MAD1L1: variants seen among roughly 807,000 people sequenced by gnomAD.
MAD1L1 encodes the protein mitotic spindle assembly checkpoint protein MAD1.
A neutral mutation model predicts 96.9 loss-of-function variants in MAD1L1; 95 were observed. The observed-to-expected ratio is 0.98, with a 90% CI of 0.83 to 1.16. The LOEUF (loss-of-function observed/expected upper bound fraction) is 1.16, where lower values mean the gene tolerates loss of function less well. Ranked by LOEUF, MAD1L1 falls within the 50% of genes most tolerant of loss-of-function variation. The pLI is 0.00. For synonymous variants in MAD1L1, 473 were observed against 396.6 expected, an observed-to-expected ratio of 1.19 and a Z score of -2.29; for missense variants, 1,007 against 954.4, an observed-to-expected ratio of 1.06 and a Z score of -0.73.
chr7:1,836,379 C>A (rs1782938435), intron 18 of MAD1L1, among the ~76,000 whole-genome samples: 1 of 152,144 alleles, frequency 6.6e-6, no homozygotes. Flanking sequence ...AGCTTCTTTA[C>A]TGCAACCTGT....
chr7:2,029,946 T>C (rs1448751925), intron 12 of MAD1L1, among the ~76,000 whole-genome samples: 1 of 152,116 alleles, frequency 6.6e-6, no homozygotes, highest in Non-Finnish European at 1.5e-5. Context: ...AGAAACAAGA[T>C]CATCCCTAGC....
rs1344878891 is a variant in MAD1L1 at position 1,840,565 on chromosome 7, A to G, written c.1999-24337T>C. 4.6e-5 allele frequency among the ~76,000 whole-genome samples: 7 copies of G among 152,172 alleles called. No individual in the cohort carries two copies. The East Asian group carries it at 5.8e-4, about 13-fold the overall frequency. Reference sequence around the variant, plus strand: ...GCCAACATGGCAAAACCCCGTCTCTACTAAAAATACAAAAAAAGCCAGGCA... The same window carrying G: ...GCCAACATGGCAAAACCCCGTCTCTGCTAAAAATACAAAAAAAGCCAGGCA... On this transcript the variant is annotated intron_variant, in intron 18 of 18. Coordinates refer to ENST00000265854, the MANE Select transcript of MAD1L1 (RefSeq NM_001013836.2).
chr7:2,135,589 G>A (rs1203825938), intron 11 of MAD1L1, among the ~76,000 whole-genome samples: 2 of 152,168 alleles, frequency 1.3e-5, no homozygotes, highest in East Asian at 3.9e-4. Context: ...AAGGGGCCTG[G>A]ACTGACAAGT....
chr7:2,232,666 G>A (rs1210869711), intron 1 of MAD1L1, among the ~76,000 whole-genome samples: 2 of 152,204 alleles, frequency 1.3e-5, no homozygotes, highest in African/African-American at 2.4e-5. Context: ...GTGGGGACAG[G>A]GGAGTGGGGA....
chr7:1,840,393 G>C (rs781069085), intron 18 of MAD1L1, among the ~76,000 whole-genome samples: 1 of 152,174 alleles, frequency 6.6e-6, no homozygotes. Flanking sequence ...TTTGAATCGG[G>C]CTGTACAAGT....
chr7:2,066,690 G>A (rs1356783815), intron 12 of MAD1L1, among the ~76,000 whole-genome samples: 1 of 152,208 alleles, frequency 6.6e-6, no homozygotes, highest in Non-Finnish European at 1.5e-5. Flanking sequence ...AGGCTGCGGG[G>A]CTCCACTAGA....
At chr7:2,004,950 G>T (rs562389201) in intron 13 of MAD1L1, among the ~76,000 whole-genome samples, 2 of 152,190 alleles carry the variant, frequency 1.3e-5, no homozygotes, top group Non-Finnish European at 2.9e-5. Context: ...AGCCACAGTC[G>T]CTGGCGAAAG....
chr7:1,889,298 C>G (rs1786389956), intron 18 of MAD1L1, among the ~76,000 whole-genome samples: 1 of 152,250 alleles, frequency 6.6e-6, no homozygotes, highest in Non-Finnish European at 1.5e-5. Flanking sequence ...CACCTCCATT[C>G]AGCAAACACT....
intron 15 of MAD1L1, among the ~76,000 whole-genome samples, chr7:1,972,108 T>C (rs1780430034): frequency 6.6e-6 from 1 of 152,126 alleles, no homozygotes; most frequent in Non-Finnish European, 1.5e-5. Flanking sequence ...GACACTTCCC[T>C]CCATGTCTAC....
intron 18 of MAD1L1, among the ~76,000 whole-genome samples, chr7:1,888,689 T>C (rs889141161): frequency 2.6e-5 from 4 of 151,134 alleles, no homozygotes; most frequent in Non-Finnish European, 4.4e-5. Flanking sequence ...CATGTGTCCA[T>C]GCGTGTGTGT....
At chr7:1,880,844 C>G (rs150871755) in intron 18 of MAD1L1, among the ~76,000 whole-genome samples, 382 of 152,316 alleles carry the variant, frequency 2.5e-3, no homozygotes, top group Admixed American at 4.8e-3. Context: ...AGACGGTGAG[C>G]TGGGAACAGC....
intron 14 of MAD1L1, among the ~76,000 whole-genome samples, chr7:1,987,033 T>TG (rs1781181690): frequency 6.6e-6 from 1 of 151,968 alleles, no homozygotes; most frequent in Non-Finnish European, 1.5e-5. Context: ...GCCAGACCCA[T>TG]GATCCATGTC....
intron 16 of MAD1L1, among the ~76,000 whole-genome samples, chr7:1,956,273 A>G (rs3996317): frequency 1 from 151,787 of 152,240 alleles, 75,671 homozygotes; most frequent in Non-Finnish European, 1. Context: ...GGGTGTCAGA[A>G]GTGGTGGCAG....
chr7:2,211,693 T>C (rs1318092621), intron 10 of MAD1L1, among the ~76,000 whole-genome samples: 1 of 150,546 alleles, frequency 6.6e-6, no homozygotes, highest in African/African-American at 2.5e-5. Context: ...ACAGGGGGAG[T>C]TCAAGAGGAG....
chr7:2,012,079 C>T (rs1584076018), intron 13 of MAD1L1, among the ~76,000 whole-genome samples: 1 of 152,218 alleles, frequency 6.6e-6, no homozygotes, highest in African/African-American at 2.4e-5. Flanking sequence ...TGCCCCCACA[C>T]CCCACCATGG....
At chr7:1,976,907 A>G (rs1780670155) in intron 15 of MAD1L1, among the ~76,000 whole-genome samples, 1 of 151,890 alleles carries the variant, frequency 6.6e-6, no homozygotes, top group Non-Finnish European at 1.5e-5. Context: ...AGTCCCCACC[A>G]GATTACCTAG....
intron 17 of MAD1L1, 65 bp downstream of exon 17, chr7:1,936,622 G>A (rs1778618179): frequency 6.8e-7 from 1 of 1,477,346 alleles, no homozygotes; most frequent in Non-Finnish European, 9.1e-7. Flanking sequence ...TGCCCCAAAG[G>A]CGCACGGATG....
At chr7:1,859,064 C>A (rs1297652908) in intron 18 of MAD1L1, among the ~76,000 whole-genome samples, 3 of 84,712 alleles carry the variant, frequency 3.5e-5, no homozygotes, top group African/African-American at 5.8e-5. Flanking sequence ...AAACCCCATA[C>A]GCAGGAGGGC....
chr7:1,857,762 G>A (rs1023244743), intron 18 of MAD1L1, among the ~76,000 whole-genome samples: 2 of 152,198 alleles, frequency 1.3e-5, no homozygotes, highest in Non-Finnish European at 2.9e-5. Flanking sequence ...TACATCTGAG[G>A]CCTGCCCGGC....
Sources: allele counts gnomAD v4.1 joint callset (sites outside exome capture counted in the v4.1 genomes callset), GRCh38; gene constraint gnomAD v4.1.1; transcripts MANE v1.5; gene names NCBI Gene and HGNC (gene_info 2026-07-23, HGNC 2026-07-21).